LIX1L: variants seen among roughly 807,000 people sequenced by gnomAD.
The protein encoded by LIX1L is LIX1-like protein.
A neutral mutation model predicts 34.0 loss-of-function variants in LIX1L; 20 were observed. That is an observed-to-expected ratio of 0.59 (90% CI 0.41 to 0.85). LIX1L has a LOEUF of 0.85. LIX1L is among the 40% of genes least tolerant of loss of function. The pLI is 0.00. For missense variants in LIX1L, 397 were observed against 447.0 expected (o/e 0.89, Z 1.01); for synonymous variants, 170 against 187.4 (o/e 0.91, Z 0.76).
chr1:145,939,416 C>G (rs587663719), intron 3 of LIX1L, among the ~76,000 whole-genome samples: 22 of 151,340 alleles, frequency 1.5e-4, no homozygotes, highest in African/African-American at 5.3e-4. Context: ...AGCGATTTTC[C>G]TACCTCAGCC....
At chr1:145,956,476 C>T (rs1180296401) in intron 1 of LIX1L, among the ~76,000 whole-genome samples, 2 of 152,152 alleles carry the variant, frequency 1.3e-5, no homozygotes, top group African/African-American at 4.8e-5. Flanking sequence ...AACTGAAGCT[C>T]AGTGAAATTA....
chr1:145,957,901 C>A lies in LIX1L; in HGVS notation c.27G>T (p.Leu9=). The A allele has an allele frequency of 6.7e-7, 1 of 1,489,002 alleles. No individual in the cohort carries two copies. The allele number at this position is 1,489,002 out of a possible 1,614,324, so 92.2% of individuals were successfully genotyped here. A position where few individuals can be genotyped will look rare whatever the true frequency, so the allele number is the denominator to read the frequency against. The change falls in exon 1 of 6, where the codon CTG becomes CTT. Residue 9 remains leucine, a synonymous_variant. Transcript: ENST00000604000. METMRAQR[L]QPGVGTSGRG... ...TCCCGCTGGTGCCCACACCAGGCTG[C>A]AGCCGCTGCGCTCGCATAGTCTCCA...
chr1:145,953,208 C>T (rs1437955190), intron 1 of LIX1L, among the ~76,000 whole-genome samples: 1 of 152,028 alleles, frequency 6.6e-6, no homozygotes, highest in African/African-American at 2.4e-5. Flanking sequence ...AGCCATTGTG[C>T]CTGGCCAGGA....
Position 145,957,682 on chromosome 1 carries a change from C to T in LIX1L, c.246G>A (p.Glu82=), listed in dbSNP as rs782399704. The T allele has an allele frequency of 1.3e-6, 2 of 1,535,380 alleles. No homozygotes were observed. Among genetic ancestry groups the T allele is most frequent in the South Asian group, 1.2e-5 (1 of 83,054 alleles). Reference sequence around the variant, plus strand: ...GCTTGGCGAAGCTCCTCACCACGGCCTCCACGGCCTCTCGCAGCACTGCCG... The same window carrying T: ...GCTTGGCGAAGCTCCTCACCACGGCTTCCACGGCCTCTCGCAGCACTGCCG... ...GSPAVLREAV[E]AVVRSFAKHT... Residue 82 remains glutamate (E), a synonymous_variant, in exon 1 of 6, where the codon GAG becomes GAA. Transcript: ENST00000604000.
Position 145,936,287 on chromosome 1 carries a change from T to G in LIX1L, c.*23A>C. ...ACATAAAAAAAGGCTGTGGAAAGCC[T>G]GGGGAGTTATGTGGGTGGATGCCTA... On this transcript the variant is annotated 3_prime_UTR_variant, in exon 6 of 6. Transcript: ENST00000604000. 1 of 1,611,786 alleles carries G rather than the reference T, an allele frequency of 6.2e-7. No homozygotes were observed. Among genetic ancestry groups the G allele is most frequent in the Non-Finnish European group, 8.5e-7 (1 of 1,178,144 alleles).
In LIX1L at chr1:145,957,771, G is replaced by T; in HGVS notation, c.157C>A (p.Pro53Thr). ...GCCCCAGACAGGAGCAGCGGCGGCG[G>T]GGGCGGTGCGGGAGGCGGCGGGGCA... ...PPAPPPPAPP[P>T]PPLLLSGAPG... Residue 53 changes from proline to threonine, a missense_variant, in exon 1 of 6, where the codon CCG becomes ACG. Coordinates refer to ENST00000604000, the MANE Select transcript of LIX1L (RefSeq NM_153713.3). 1 of 1,346,824 alleles carries T rather than the reference G, an allele frequency of 7.4e-7. No individual in the cohort carries two copies. The highest frequency in any genetic ancestry group is 3.1e-5 in the East Asian group (1 of 32,358). The allele number at this position is 1,346,824 out of a possible 1,614,324, so 83.4% of individuals were successfully genotyped here. A position where few individuals can be genotyped will look rare whatever the true frequency, so the allele number is the denominator to read the frequency against.
Position 145,939,642 on chromosome 1 carries a change from T to TTC in LIX1L, c.598-1944_598-1943insGA, listed in dbSNP as rs1236468205. 5.1e-4 allele frequency among the ~76,000 whole-genome samples: 75 copies of TTC among 148,468 alleles called. No individual in the cohort carries two copies. In the Middle Eastern group the frequency reaches 0.01, roughly 20 times the overall value. ...ATTGCTTTCTTTTTTCTTTTTCTTT[T>TTC]TTTTTTTTTTTTTTGAGACAGGGTC... On this transcript the variant is annotated intron_variant, in intron 3 of 5. Coordinates refer to ENST00000604000, the MANE Select transcript of LIX1L (RefSeq NM_153713.3).
chr1:145,942,894 A>C (rs1251628404), intron 2 of LIX1L, 41 bp from the exon 3 acceptor site: 3 of 1,602,316 alleles, frequency 1.9e-6, no homozygotes, highest in East Asian at 2.2e-5. Context: ...GTATTTGTGC[A>C]TATGAGAGAG....
At chr1:145,943,008 G>T (rs1349358366) in intron 2 of LIX1L, among the ~76,000 whole-genome samples, 155 bp from the exon 3 acceptor site, 11 of 152,230 alleles carry the variant, frequency 7.2e-5, no homozygotes, top group African/African-American at 2.7e-4. Flanking sequence ...TTATGGTAAA[G>T]TGGTTGGGAT....
intron 1 of LIX1L, 120 bp from the exon 2 acceptor site, chr1:145,947,902 C>T: frequency 1.3e-6 from 1 of 789,906 alleles, no homozygotes; most frequent in Non-Finnish European, 2.0e-6. Context: ...AGCTCCCTAC[C>T]TATCGCCATT....
At chr1:145,951,121 A>C (rs1474072167) in intron 1 of LIX1L, among the ~76,000 whole-genome samples, 1 of 152,160 alleles carries the variant, frequency 6.6e-6, no homozygotes, top group Non-Finnish European at 1.5e-5. Flanking sequence ...ATCTTGGCTC[A>C]CTGCAACCTC....
chr1:145,939,375 A>G lies in LIX1L; in HGVS notation c.598-1676T>C, dbSNP rs925958767. ...GGCTGGAGTGCAGTGGTGCGATCTC[A>G]GTTCACCGCAACCTCCACCTCCTGG... On this transcript the variant is annotated intron_variant, in intron 3 of 5. Coordinates refer to ENST00000604000, the MANE Select transcript of LIX1L (RefSeq NM_153713.3). Among the ~76,000 whole-genome samples, 89 of 147,268 alleles carry G rather than the reference A, an allele frequency of 6.0e-4. No homozygotes were observed. The Middle Eastern group carries it at 0.011, about 18-fold the overall frequency.
In LIX1L at chr1:145,957,979, C is replaced by T; in HGVS notation, c.-52G>A. 5.5e-6 allele frequency: 7 copies of T among 1,284,214 alleles called. No homozygotes were observed. The highest frequency in any genetic ancestry group is 6.1e-6 in the Non-Finnish European group (6 of 979,138). The allele number at this position is 1,284,214 out of a possible 1,614,324, so 79.6% of individuals were successfully genotyped here. A position where few individuals can be genotyped will look rare whatever the true frequency, so the allele number is the denominator to read the frequency against. ...GGAGCCTGCCAGCCTGCCGAGCTAACGGTCCCAACCACCCCAGTCAGCTAG... is the reference window on the plus strand; with the variant it reads ...GGAGCCTGCCAGCCTGCCGAGCTAATGGTCCCAACCACCCCAGTCAGCTAG... On this transcript the variant is annotated 5_prime_UTR_variant, in exon 1 of 6. Coordinates refer to ENST00000604000, the MANE Select transcript of LIX1L (RefSeq NM_153713.3).
In LIX1L at chr1:145,935,197, C is replaced by A. The variant is rs1156388092; in HGVS notation, c.*1113G>T. 2 of 150,736 alleles carry A rather than the reference C, an allele frequency of 1.3e-5. No homozygotes were observed. Among genetic ancestry groups the A allele is most frequent in the African/African-American group, 4.9e-5 (2 of 40,958 alleles). 9.3% of individuals were successfully genotyped at this position (150,736 alleles called of 1,614,324 possible). Reference sequence around the variant, plus strand: ...AAAAAAAAAAAACCACACACACACACAAATAACTGATCATTGATTCTCTTT... The same window carrying A: ...AAAAAAAAAAAACCACACACACACAAAAATAACTGATCATTGATTCTCTTT... On this transcript the variant is annotated 3_prime_UTR_variant, in exon 6 of 6. Transcript: ENST00000604000.
At chr1:145,942,584 C>G in intron 3 of LIX1L, 129 bp downstream of exon 3, 1 of 835,038 alleles carries the variant, frequency 1.2e-6, no homozygotes, top group Non-Finnish European at 1.9e-6. Flanking sequence ...GAGAATAAAT[C>G]AAAAGAACAG....
At chr1:145,947,864 C>T in intron 1 of LIX1L, 82 bp from the exon 2 acceptor site, 2 of 1,260,288 alleles carry the variant, frequency 1.6e-6, no homozygotes. Context: ...TACCTGTAAC[C>T]TGTACCTACA....
chr1:145,934,573 C>CA lies in LIX1L; in HGVS notation c.*1736dup, dbSNP rs59900662. Reference sequence around the variant, plus strand: ...TGGGCGACAGAGCGAGACTCCGTCTCAAAAAAAAAAAAAACACACAAATAG... The same window carrying CA: ...TGGGCGACAGAGCGAGACTCCGTCTCAAAAAAAAAAAAAAACACACAAATAG... On this transcript the variant is annotated 3_prime_UTR_variant, in exon 6 of 6. Coordinates refer to ENST00000604000, the MANE Select transcript of LIX1L (RefSeq NM_153713.3). 87,925 of 102,704 alleles carry CA rather than the reference C, an allele frequency of 0.86. 37,123 individuals are homozygous for CA. Among genetic ancestry groups the CA allele is most frequent in the Non-Finnish European group, 0.94 (54,672 of 58,158 alleles). The allele number at this position is 102,704 out of a possible 1,614,324, so 6.4% of individuals were successfully genotyped here.
At chr1:145,940,841 G>T (rs1323864810) in intron 3 of LIX1L, among the ~76,000 whole-genome samples, 1 of 151,352 alleles carries the variant, frequency 6.6e-6, no homozygotes, top group East Asian at 1.9e-4. Flanking sequence ...ATGAGCCACC[G>T]TGCCTGGCCA....
In LIX1L at chr1:145,957,769, CG is replaced by C; in HGVS notation, c.158del (p.Pro53ArgfsTer33). ...PPAPPPPAPP[P>X]PPLLLSGAPG... is the part of the protein sequence containing the mutation. ...GGGCCCCAGACAGGAGCAGCGGCGG[CG>C]GGGGCGGTGCGGGAGGCGGCGGGGC... On this transcript the variant is annotated frameshift_variant, in exon 1 of 6. Coordinates refer to ENST00000604000, the MANE Select transcript of LIX1L (RefSeq NM_153713.3). LOFTEE classifies it high-confidence loss of function. 3 of 1,346,160 alleles carry C rather than the reference CG, an allele frequency of 2.2e-6. No individual in the cohort carries two copies. The highest frequency in any genetic ancestry group is 1.9e-6 in the Non-Finnish European group (2 of 1,057,236). 83.4% of individuals were successfully genotyped at this position (1,346,160 alleles called of 1,614,324 possible).
Sources: gnomAD v4.1 joint callset for allele counts (sites outside exome capture counted in the v4.1 genomes callset) on GRCh38, gnomAD v4.1.1 for gene constraint, MANE v1.5 for transcripts, NCBI Gene and HGNC (gene_info 2026-07-23, HGNC 2026-07-21) for gene names.